CDYL: variants seen among roughly 807,000 people sequenced by gnomAD.
CDYL encodes chromodomain Y-like protein.
In CDYL, 8 loss-of-function variants were observed where a neutral mutation model predicts 47.3. The observed-to-expected ratio is 0.17, with a 90% confidence interval of 0.10 to 0.31. The LOEUF is 0.31. Ranked by LOEUF, CDYL falls within the 10% of genes least tolerant of loss-of-function variation. The pLI is 1.00. For synonymous variants in CDYL, 266 were observed against 265.0 expected, an observed-to-expected ratio of 1.00 and a Z score of -0.04; for missense variants, 471 against 701.4, an observed-to-expected ratio of 0.67 and a Z score of 3.71.
intron 2 of CDYL, among the ~76,000 whole-genome samples, chr6:4,900,829 A>C (rs1174211009): frequency 8.6e-4 from 69 of 80,218 alleles, no homozygotes; most frequent in South Asian, 1.3e-3. Flanking sequence ...ATATATATAT[A>C]TCTTGCCTGT....
chr6:4,936,660 G>A (rs770391967), intron 3 of CDYL, among the ~76,000 whole-genome samples: 2 of 152,108 alleles, frequency 1.3e-5, no homozygotes, highest in African/African-American at 2.4e-5. Flanking sequence ...ACGCACTTAC[G>A]CACCAAACTA....
At chr6:4,878,332 A>G (rs1368202282) in intron 1 of CDYL, among the ~76,000 whole-genome samples, 1 of 151,970 alleles carries the variant, frequency 6.6e-6, no homozygotes, top group Non-Finnish European at 1.5e-5. Flanking sequence ...TGTTTGATAG[A>G]ATTCACCAGC....
intron 4 of CDYL, among the ~76,000 whole-genome samples, chr6:4,940,697 G>C (rs971117041): frequency 6.6e-6 from 1 of 152,200 alleles, no homozygotes; most frequent in African/African-American, 2.4e-5. Flanking sequence ...AGCTGCCACT[G>C]GGTTTTAAGG....
At chr6:4,941,723 T>C (rs945130443) in intron 4 of CDYL, among the ~76,000 whole-genome samples, 1 of 152,252 alleles carries the variant, frequency 6.6e-6, no homozygotes, top group African/African-American at 2.4e-5. Flanking sequence ...CAAGGATATA[T>C]GAAATAATTC....
chr6:4,852,535 TCTTCCTTCCTTC>T (rs371091747), intron 1 of CDYL, among the ~76,000 whole-genome samples: 1 of 76,566 alleles, frequency 1.3e-5, no homozygotes, highest in African/African-American at 7.5e-5. Context: ...TTCCTTCCAA[TCTTCCTTCCTTC>T]CTTCCTTCCT....
At position 4,810,281 on chromosome 6, in the gene CDYL, G is replaced by A. The variant is rs114940860; in HGVS notation, c.24+33474G>A. Among the ~76,000 whole-genome samples the A allele has an allele frequency of 8.4e-3, 1,274 of 152,226 alleles. 20 individuals are homozygous for A. Among genetic ancestry groups the A allele is most frequent in the African/African-American group, 0.029 (1,224 of 41,514 alleles). Reference sequence around the variant, plus strand: ...AGATTTCAGTTCAGGCATCAGTTCCGAAATGATTTCTCAACTAGCATGAGT... The same window carrying A: ...AGATTTCAGTTCAGGCATCAGTTCCAAAATGATTTCTCAACTAGCATGAGT... On this transcript the variant is annotated intron_variant, in intron 1 of 6. Coordinates refer to ENST00000397588, the MANE Select transcript of CDYL (RefSeq NM_004824.4).
rs73362507 is a variant in CDYL, at chr6:4,778,467, G to T, written c.24+1660G>T. Among the ~76,000 whole-genome samples the T allele has an allele frequency of 6.3e-3, 963 of 152,304 alleles. 8 individuals are homozygous for T. The highest frequency in any genetic ancestry group is 0.022 in the African/African-American group (930 of 41,556). ...TATCTTCAGGTTTCTGTTCCTAACA[G>T]AAGTTATTAATGAGTAACATTTTGT... On this transcript the variant is annotated intron_variant, in intron 1 of 6. Transcript: ENST00000397588.
intron 4 of CDYL, among the ~76,000 whole-genome samples, chr6:4,938,503 A>AT (rs1481049199): frequency 2.6e-5 from 4 of 152,236 alleles, no homozygotes; most frequent in African/African-American, 9.7e-5. Flanking sequence ...AACATGGTGT[A>AT]TTGAAACACG....
At chr6:4,828,595 G>A (rs958326137) in intron 1 of CDYL, among the ~76,000 whole-genome samples, 2 of 152,084 alleles carry the variant, frequency 1.3e-5, no homozygotes, top group African/African-American at 4.8e-5. Flanking sequence ...GTGTCTCAGT[G>A]TGGATCTTTT....
chr6:4,826,587 C>T (rs1040372511), intron 1 of CDYL, among the ~76,000 whole-genome samples: 6 of 152,072 alleles, frequency 3.9e-5, no homozygotes, highest in Admixed American at 3.9e-4. Context: ...TCTACTTTCC[C>T]TTGTGATTTC....
chr6:4,748,751 A>G (rs552410552), intron 3 of CDYL, among the ~76,000 whole-genome samples: 2 of 152,184 alleles, frequency 1.3e-5, no homozygotes, highest in Non-Finnish European at 1.5e-5. Flanking sequence ...AGATGGAAGA[A>G]GGAGAGGTAA....
At chr6:4,720,945 T>C (rs1181079329) in intron 2 of CDYL, among the ~76,000 whole-genome samples, 2 of 152,232 alleles carry the variant, frequency 1.3e-5, no homozygotes, top group South Asian at 2.1e-4. Flanking sequence ...ATTCCAACTA[T>C]TACCACAGCA....
At chr6:4,880,092 G>C (rs879694420) in intron 1 of CDYL, among the ~76,000 whole-genome samples, 2 of 151,794 alleles carry the variant, frequency 1.3e-5, no homozygotes, top group Non-Finnish European at 2.9e-5. Context: ...TTGGTGTTAT[G>C]CATTCTATGG....
intron 2 of CDYL, among the ~76,000 whole-genome samples, chr6:4,914,425 C>T (rs1757499843): frequency 6.6e-6 from 1 of 152,192 alleles, no homozygotes; most frequent in African/African-American, 2.4e-5. Context: ...AGTCCACACG[C>T]AGCCTCTTGC....
chr6:4,820,278 T>A (rs1171135204), intron 1 of CDYL, among the ~76,000 whole-genome samples: 1 of 152,220 alleles, frequency 6.6e-6, no homozygotes, highest in Non-Finnish European at 1.5e-5. Flanking sequence ...CCTCTGTGAC[T>A]TGAAAGTGAT....
chr6:4,900,787 A>C (rs202211274), intron 2 of CDYL, among the ~76,000 whole-genome samples: 1 of 47,084 alleles, frequency 2.1e-5, no homozygotes, highest in Non-Finnish European at 3.7e-5. Flanking sequence ...GTGTATATAT[A>C]TATATATATA....
intron 2 of CDYL, among the ~76,000 whole-genome samples, chr6:4,931,956 G>A (rs1214709945): frequency 2.6e-5 from 4 of 152,222 alleles, no homozygotes; most frequent in Admixed American, 2.0e-4. Context: ...TGAGACTCAC[G>A]TATAAAGGCT....
At chr6:4,923,574 G>T (rs1265159068) in intron 2 of CDYL, among the ~76,000 whole-genome samples, 1 of 151,910 alleles carries the variant, frequency 6.6e-6, no homozygotes. Context: ...CATTTTCTTT[G>T]GATAAATATC....
intron 1 of CDYL, among the ~76,000 whole-genome samples, chr6:4,852,698 G>A (rs998699929): frequency 3.9e-5 from 6 of 151,938 alleles, no homozygotes; most frequent in African/African-American, 9.7e-5. Context: ...TTTTGTGTGT[G>A]TATCATTGTG....
Sources: gnomAD v4.1 joint callset for allele counts (sites outside exome capture counted in the v4.1 genomes callset) on GRCh38, gnomAD v4.1.1 for gene constraint, MANE v1.5 for transcripts, NCBI Gene and HGNC (gene_info 2026-07-23, HGNC 2026-07-21) for gene names.